The following CDC42BPA variants were observed in gnomAD, a reference collection of about 807,000 sequenced individuals.
CDC42BPA encodes the protein serine/threonine-protein kinase MRCK alpha.
CDC42BPA carries 80 observed loss-of-function variants against 223.5 expected under a neutral mutation model. That is an observed-to-expected ratio of 0.36 (90% CI 0.30 to 0.43). The LOEUF (loss-of-function observed/expected upper bound fraction) is 0.43. Among genes scored for constraint, CDC42BPA ranks in the 20% least tolerant of loss-of-function variants. CDC42BPA has a pLI of 1.00. For missense variants in CDC42BPA, 1,743 were observed against 2,099.9 expected (o/e 0.83, Z 3.32); for synonymous variants, 694 against 718.6 (o/e 0.97, Z 0.55).
chr1:227,066,873 T>C (rs1215305604), intron 21 of CDC42BPA, among the ~76,000 whole-genome samples: 1 of 152,140 alleles, frequency 6.6e-6, no homozygotes, highest in Non-Finnish European at 1.5e-5. Flanking sequence ...AAATTTAGGG[T>C]GTAGAAAGGT....
At chr1:227,103,034 T>A (rs1369750666) in intron 14 of CDC42BPA, among the ~76,000 whole-genome samples, 1 of 152,078 alleles carries the variant, frequency 6.6e-6, no homozygotes, top group African/African-American at 2.4e-5. Context: ...ACTATTTACG[T>A]GAAACATCAG....
At chr1:227,256,513 T>A (rs1683047537) in intron 1 of CDC42BPA, among the ~76,000 whole-genome samples, 1 of 151,866 alleles carries the variant, frequency 6.6e-6, no homozygotes, top group African/African-American at 2.4e-5. Flanking sequence ...TATATAAAAA[T>A]GGCCAAAACA....
intron 15 of CDC42BPA, among the ~76,000 whole-genome samples, chr1:227,098,619 T>C (rs1270915158): frequency 6.6e-6 from 1 of 152,102 alleles, no homozygotes; most frequent in Non-Finnish European, 1.5e-5. Flanking sequence ...GTCTTCCTTT[T>C]TCTCCCTCAT....
chr1:227,088,592 A>G (rs1372961539), intron 16 of CDC42BPA, among the ~76,000 whole-genome samples: 1 of 152,260 alleles, frequency 6.6e-6, no homozygotes, highest in Non-Finnish European at 1.5e-5. Context: ...TTTAAAAACA[A>G]AACAAGTTTT....
At chr1:227,074,143 C>A (rs1273916084) in intron 18 of CDC42BPA, 116 bp downstream of exon 18, 1 of 1,327,806 alleles carries the variant, frequency 7.5e-7, no homozygotes, top group African/African-American at 1.5e-5. Flanking sequence ...ATAAAAAACT[C>A]TTTAGTAGGC....
chr1:227,300,365 C>T (rs1358051396), intron 1 of CDC42BPA, among the ~76,000 whole-genome samples: 1 of 152,132 alleles, frequency 6.6e-6, no homozygotes, highest in African/African-American at 2.4e-5. Context: ...CACCTGCACA[C>T]ATATGTTTAT....
chr1:227,108,830 A>AT (rs1461202974), intron 14 of CDC42BPA, among the ~76,000 whole-genome samples: 1 of 152,124 alleles, frequency 6.6e-6, no homozygotes, highest in African/African-American at 2.4e-5. Context: ...TTGTGTGAAC[A>AT]TAAGTTGTAC....
At position 227,033,399 on chromosome 1, in the gene CDC42BPA, C is replaced by A. The variant is rs758131715; in HGVS notation, c.3493G>T (p.Val1165Leu). 8 of 1,613,214 alleles carry A rather than the reference C, an allele frequency of 5.0e-6. No homozygotes were observed. The highest frequency in any genetic ancestry group is 5.9e-6 in the Non-Finnish European group (7 of 1,179,252). ...VIDMRDEEFSVSSVLASDVIH... is the reference protein window; with the variant it reads ...VIDMRDEEFSLSSVLASDVIH... ...ACATCAGAAGCCAAGACTGAACTCACAGAAAATTCTTCATCCCTGAACGAA... is the reference window on the plus strand; with the variant it reads ...ACATCAGAAGCCAAGACTGAACTCAAAGAAAATTCTTCATCCCTGAACGAA... Residue 1165 changes from valine to leucine, a missense_variant, in exon 27 of 37, where the codon GTG becomes TTG. Transcript: ENST00000366766.
chr1:227,307,421 C>T (rs1016654829), intron 1 of CDC42BPA, among the ~76,000 whole-genome samples: 12 of 152,176 alleles, frequency 7.9e-5, no homozygotes, highest in Non-Finnish European at 1.6e-4. Flanking sequence ...ACACTACCTA[C>T]GGTTAAGTAT....
rs371459515 is a variant in CDC42BPA at position 227,170,410 on chromosome 1, C to T, written c.600-9774G>A. Among the ~76,000 whole-genome samples, 153 of 145,638 alleles carry T rather than the reference C, an allele frequency of 1.1e-3. 6 individuals are homozygous for T. The South Asian group carries it at 0.031, about 30-fold the overall frequency. On this transcript the variant is annotated intron_variant, in intron 5 of 36. Coordinates refer to ENST00000366766, the MANE Select transcript of CDC42BPA (RefSeq NM_001394014.1). The stretch of plus-strand genomic sequence containing the variant: ...CAACTCATGCTGCATAGAGAAGATA[C>T]AATTAGGTGCTGCCTAGTCCTGCCC...
chr1:227,067,131 G>A (rs1292344527), intron 21 of CDC42BPA, among the ~76,000 whole-genome samples: 1 of 152,140 alleles, frequency 6.6e-6, no homozygotes. Flanking sequence ...AGCTCATGTT[G>A]CATTAATAGA....
intron 21 of CDC42BPA, among the ~76,000 whole-genome samples, chr1:227,063,147 T>C (rs752920432): frequency 6.6e-6 from 1 of 152,150 alleles, no homozygotes; most frequent in Non-Finnish European, 1.5e-5. Context: ...ACAGAAAAGG[T>C]GAGTTAGAGG....
At chr1:227,068,524 A>G (rs1677576103) in intron 21 of CDC42BPA, 1 of 213,650 alleles carries the variant, frequency 4.7e-6, no homozygotes, top group South Asian at 7.8e-5. Context: ...AGAAAGAAGC[A>G]TATTTTGGCT....
chr1:227,138,544 G>A (rs1571911770), intron 10 of CDC42BPA, among the ~76,000 whole-genome samples: 3 of 54,192 alleles, frequency 5.5e-5, no homozygotes, highest in South Asian at 1.7e-3. Flanking sequence ...AAAAGAGAGC[G>A]TTATCAGAAG....
At chr1:227,019,708 C>A (rs1173591242) in intron 32 of CDC42BPA, among the ~76,000 whole-genome samples, 8 of 152,068 alleles carry the variant, frequency 5.3e-5, no homozygotes, top group Non-Finnish European at 1.0e-4. Flanking sequence ...TTGTACATCT[C>A]CATCAGAGAT....
intron 1 of CDC42BPA, among the ~76,000 whole-genome samples, chr1:227,279,681 T>G (rs1687699018): frequency 6.6e-6 from 1 of 152,210 alleles, no homozygotes; most frequent in Non-Finnish European, 1.5e-5. Context: ...CAGAAATTTG[T>G]CAGCAATTTA....
Position 227,101,200 on chromosome 1 carries a change from C to G in CDC42BPA, c.2041G>C (p.Glu681Gln), listed in dbSNP as rs775248343. The part of the protein sequence containing the change: ...ISYSPGVCSI[E>Q]HQQEITKLKT... ...AGTTTGGTTATCTCTTGCTGATGTT[C>G]TATGCTGCATACTCCTGGTGAGTAA... Residue 681 changes from glutamate (E) to glutamine (Q), a missense_variant, in exon 15 of 37, where the codon GAA becomes CAA. Coordinates refer to ENST00000366766, the MANE Select transcript of CDC42BPA (RefSeq NM_001394014.1). 8.7e-6 allele frequency: 14 copies of G among 1,603,280 alleles called. No individual in the cohort carries two copies. In the East Asian group the frequency reaches 2.9e-4, roughly 33 times the overall value.
chr1:227,163,160 GTGTGTATATGTTTCCAAACATA>G (rs1664408683), intron 5 of CDC42BPA, among the ~76,000 whole-genome samples: 1 of 148,420 alleles, frequency 6.7e-6, no homozygotes, highest in Non-Finnish European at 1.5e-5. Flanking sequence ...AAACATATAT[GTGTGTATATGTTTCCAAACATA>G]TGTGTGTATG....
chr1:227,288,689 C>T (rs938149435), intron 1 of CDC42BPA, among the ~76,000 whole-genome samples: 4 of 151,078 alleles, frequency 2.6e-5, no homozygotes, highest in East Asian at 2.0e-4. Context: ...GACCAAGACT[C>T]GGTCTCAAAA....
Sources: allele counts gnomAD v4.1 joint callset (sites outside exome capture counted in the v4.1 genomes callset), GRCh38; gene constraint gnomAD v4.1.1; transcripts MANE v1.5; gene names NCBI Gene and HGNC (gene_info 2026-07-23, HGNC 2026-07-21).